The following SH3RF3 variants were observed in gnomAD, a reference collection of about 807,000 sequenced individuals.
The protein encoded by SH3RF3 is SH3 domain containing ring finger 3, also known as E3 ubiquitin-protein ligase SH3RF3.
SH3RF3 carries 29 observed loss-of-function variants against 66.3 expected under a neutral mutation model. The ratio of observed to expected loss-of-function variants is 0.44; its 90% confidence interval spans 0.33 to 0.60. The LOEUF (loss-of-function observed/expected upper bound fraction) is 0.60, where lower values mean the gene tolerates loss of function less well. SH3RF3 is among the 20% of genes least tolerant of loss of function. SH3RF3 has a pLI of 0.04. For synonymous variants in SH3RF3, 583 were observed against 532.0 expected, an observed-to-expected ratio of 1.10 and a Z score of -1.32; for missense variants, 1,194 against 1,190.9, an observed-to-expected ratio of 1.00 and a Z score of -0.04.
intron 8 of SH3RF3, among the ~76,000 whole-genome samples, chr2:109,464,509 T>TA (rs1457101251): frequency 8.5e-5 from 13 of 152,128 alleles, no homozygotes; most frequent in African/African-American, 2.9e-4. Context: ...CACAAATACA[T>TA]ACATGCATAC....
intron 1 of SH3RF3, among the ~76,000 whole-genome samples, chr2:109,267,014 A>G (rs1001724410): frequency 7.9e-5 from 12 of 152,304 alleles, no homozygotes; most frequent in Non-Finnish European, 7.3e-5. Flanking sequence ...AGAACAAACA[A>G]TAATACCTGC....
chr2:109,452,431 A>C (rs1677902198), intron 8 of SH3RF3, among the ~76,000 whole-genome samples: 1 of 152,216 alleles, frequency 6.6e-6, no homozygotes, highest in African/African-American at 2.4e-5. Flanking sequence ...TTGGGAAAAG[A>C]CAGTGAGCTC....
At chr2:109,433,507 G>C (rs116481410) in intron 6 of SH3RF3, among the ~76,000 whole-genome samples, 171 of 152,332 alleles carry the variant, frequency 1.1e-3, no homozygotes, top group African/African-American at 4.0e-3. Flanking sequence ...TCGTGGGCAC[G>C]GCCCTGTGTT....
chr2:109,450,485 T>C (rs1283953174), intron 8 of SH3RF3, among the ~76,000 whole-genome samples: 1 of 152,228 alleles, frequency 6.6e-6, no homozygotes, highest in Non-Finnish European at 1.5e-5. Context: ...AATGCAAACC[T>C]CAAATCTAAT....
intron 3 of SH3RF3, among the ~76,000 whole-genome samples, chr2:109,378,918 G>A (rs963507627): frequency 6.6e-6 from 1 of 152,146 alleles, no homozygotes; most frequent in Non-Finnish European, 1.5e-5. Context: ...GACTCCAGGG[G>A]ACTTTCTGCA....
chr2:109,206,041 A>T (rs1678801095), intron 1 of SH3RF3, among the ~76,000 whole-genome samples: 1 of 152,202 alleles, frequency 6.6e-6, no homozygotes, highest in Non-Finnish European at 1.5e-5. Flanking sequence ...TGTCACTTGT[A>T]CCCTGAGATG....
At chr2:109,413,871 T>C (rs1436773470) in intron 4 of SH3RF3, among the ~76,000 whole-genome samples, 3 of 152,182 alleles carry the variant, frequency 2.0e-5, no homozygotes, top group Non-Finnish European at 4.4e-5. Context: ...GTCTTCCGCA[T>C]CCCATGAGTG....
intron 8 of SH3RF3, among the ~76,000 whole-genome samples, chr2:109,486,816 C>T (rs1321203424): frequency 1.3e-5 from 2 of 152,164 alleles, no homozygotes; most frequent in Non-Finnish European, 2.9e-5. Context: ...GCGACAGCAG[C>T]CCATCACTTC....
intron 1 of SH3RF3, among the ~76,000 whole-genome samples, chr2:109,243,578 G>C (rs1326094361): frequency 6.6e-6 from 1 of 152,174 alleles, no homozygotes; most frequent in African/African-American, 2.4e-5. Flanking sequence ...GAATGACAGA[G>C]AATGACTTTT....
At chr2:109,145,212 G>T (rs1261356709) in intron 1 of SH3RF3, among the ~76,000 whole-genome samples, 1 of 152,060 alleles carries the variant, frequency 6.6e-6, no homozygotes, top group Admixed American at 6.5e-5. Context: ...GCCGTGTCCT[G>T]GCTGGGTCCT....
At chr2:109,235,541 G>C (rs1008995733) in intron 1 of SH3RF3, among the ~76,000 whole-genome samples, 3 of 152,256 alleles carry the variant, frequency 2.0e-5, no homozygotes, top group Non-Finnish European at 4.4e-5. Context: ...CAAGAAGCAG[G>C]TGCTGCTGGA....
At chr2:109,324,169 C>T (rs559640395) in intron 1 of SH3RF3, among the ~76,000 whole-genome samples, 1 of 152,266 alleles carries the variant, frequency 6.6e-6, no homozygotes, top group East Asian at 1.9e-4. Context: ...AATAATAATC[C>T]ATTGTGTGGC....
rs111331116 is a variant in SH3RF3, at chr2:109,321,245, T to C, written c.574-26429T>C. 5.9e-3 allele frequency among the ~76,000 whole-genome samples: 902 copies of C among 152,344 alleles called. 7 individuals are homozygous for C. Among genetic ancestry groups the C allele is most frequent in the African/African-American group, 0.021 (874 of 41,570 alleles). On this transcript the variant is annotated intron_variant, in intron 1 of 9. Transcript: ENST00000309415. Reference sequence around the variant, plus strand: ...AAACCTTATATCCTCGGATTCACTTTTAATTAGGCTGTTCTCATTAAAACG... The same window carrying C: ...AAACCTTATATCCTCGGATTCACTTCTAATTAGGCTGTTCTCATTAAAACG...
At chr2:109,169,954 A>T (rs1558937873) in intron 1 of SH3RF3, among the ~76,000 whole-genome samples, 1 of 152,144 alleles carries the variant, frequency 6.6e-6, no homozygotes, top group African/African-American at 2.4e-5. Context: ...TCTTTAAGAG[A>T]CTTTAATGTT....
chr2:109,166,946 A>G (rs916406104), intron 1 of SH3RF3, among the ~76,000 whole-genome samples: 6 of 152,254 alleles, frequency 3.9e-5, no homozygotes, highest in Admixed American at 1.3e-4. Flanking sequence ...GCATCCATAA[A>G]TCTACCTTCT....
chr2:109,170,244 T>TTCTC (rs1677733451), intron 1 of SH3RF3, among the ~76,000 whole-genome samples: 479 of 32,936 alleles, frequency 0.015, 10 homozygotes, highest in Admixed American at 0.027. Context: ...CTTCTTTTCT[T>TTCTC]TTCTCTTCTC....
chr2:109,191,717 G>T (rs1678371269), intron 1 of SH3RF3, among the ~76,000 whole-genome samples: 1 of 152,150 alleles, frequency 6.6e-6, no homozygotes, highest in Admixed American at 6.5e-5. Context: ...TCTCCTTGAG[G>T]TGCTGATGCG....
intron 1 of SH3RF3, among the ~76,000 whole-genome samples, chr2:109,175,525 G>A (rs917472158): frequency 6.6e-6 from 1 of 152,238 alleles, no homozygotes; most frequent in African/African-American, 2.4e-5. Flanking sequence ...AAACAAGGAT[G>A]AGCTCATGGC....
chr2:109,233,878 A>G (rs1679580827), intron 1 of SH3RF3, among the ~76,000 whole-genome samples: 1 of 152,248 alleles, frequency 6.6e-6, no homozygotes, highest in African/African-American at 2.4e-5. Flanking sequence ...TTTGTCTATC[A>G]GTAGGGTGTT....
Sources: gnomAD v4.1 joint callset for allele counts (sites outside exome capture counted in the v4.1 genomes callset) on GRCh38, gnomAD v4.1.1 for gene constraint, MANE v1.5 for transcripts, NCBI Gene and HGNC (gene_info 2026-07-23, HGNC 2026-07-21) for gene names.